SWT1: variants seen among roughly 807,000 people sequenced by gnomAD.
SWT1 encodes SWT1 RNA endoribonuclease homolog.
A neutral mutation model predicts 107.3 loss-of-function variants in SWT1; 33 were observed. The observed-to-expected ratio is 0.31, with a 90% CI of 0.23 to 0.41. SWT1 has a LOEUF of 0.41. Among genes scored for constraint, SWT1 ranks in the 10% least tolerant of loss-of-function variants. The pLI, the probability that SWT1 is intolerant of heterozygous loss-of-function variation, is 1.00. For missense variants in SWT1, 898 were observed against 1,028.9 expected (o/e 0.87, Z 1.74); for synonymous variants, 345 against 348.3 (o/e 0.99, Z 0.11).
At chr1:185,272,987 C>A (rs1304657683) in intron 17 of SWT1, among the ~76,000 whole-genome samples, 1 of 151,426 alleles carries the variant, frequency 6.6e-6, no homozygotes, top group Non-Finnish European at 1.5e-5. Flanking sequence ...GAGCCATGTT[C>A]ATACCACTGC....
At chr1:185,208,839 G>A (rs1658541923) in intron 13 of SWT1, among the ~76,000 whole-genome samples, 1 of 151,534 alleles carries the variant, frequency 6.6e-6, no homozygotes, top group South Asian at 2.1e-4. Context: ...AGCCACAAGT[G>A]CACCTGAAGA....
intron 7 of SWT1, among the ~76,000 whole-genome samples, chr1:185,183,516 C>G (rs1264244696): frequency 6.6e-6 from 1 of 152,178 alleles, no homozygotes; most frequent in Non-Finnish European, 1.5e-5. Flanking sequence ...CTCCTGACCT[C>G]AGGTGATTGG....
intron 12 of SWT1, among the ~76,000 whole-genome samples, chr1:185,206,202 C>T (rs995037807): frequency 4.6e-5 from 7 of 152,070 alleles, no homozygotes; most frequent in Non-Finnish European, 1.0e-4. Context: ...TGTGATACGC[C>T]CACGTCGGCC....
intron 16 of SWT1, among the ~76,000 whole-genome samples, 178 bp downstream of exon 16, chr1:185,231,886 T>C (rs1355242844): frequency 6.6e-6 from 1 of 152,158 alleles, no homozygotes; most frequent in Non-Finnish European, 1.5e-5. Flanking sequence ...CCTTTGCAGT[T>C]TTATCGTTAT....
intron 2 of SWT1, among the ~76,000 whole-genome samples, chr1:185,165,877 T>A (rs1654527058): frequency 6.6e-6 from 1 of 152,200 alleles, no homozygotes; most frequent in South Asian, 2.1e-4. Context: ...ATTCTAATGG[T>A]TTGTTTCTTC....
chr1:185,264,074 T>A (rs2102703684), intron 16 of SWT1: 1 of 152,322 alleles, frequency 6.6e-6, no homozygotes, highest in African/African-American at 2.4e-5. Flanking sequence ...CTCTCCTCAT[T>A]TAGTTGGTAG....
intron 1 of SWT1, among the ~76,000 whole-genome samples, chr1:185,158,415 C>T (rs138105199): frequency 5.2e-4 from 79 of 151,646 alleles, no homozygotes; most frequent in African/African-American, 1.8e-3. Flanking sequence ...TGACTCATGG[C>T]TCAACAGTCA....
Position 185,214,626 on chromosome 1 carries a change from G to A in SWT1, c.2092G>A (p.Val698Ile), listed in dbSNP as rs763922657. ...TATTCTTCCACAGACCTTTGCTCAA[G>A]TAAACAACCTCCTTCAGACATTTGC... ...DGILPQTFAQ[V>I]NNLLQTFAEV... Residue 698 changes from valine (V) to isoleucine (I), a missense_variant, in exon 14 of 19, where the codon GTA becomes ATA. Around this residue, in one of 6 missense-constraint regions of SWT1, gnomAD observed 382 missense variants for 460.0 expected, o/e 0.83. Transcript: ENST00000367500. 17 of 1,610,862 alleles carry A rather than the reference G, an allele frequency of 1.1e-5. No individual in the cohort carries two copies. The highest frequency in any genetic ancestry group is 1.6e-4 in the Middle Eastern group (1 of 6,064).
intron 15 of SWT1, 65 bp from the exon 16 acceptor site, chr1:185,231,512 G>A (rs1295393865): frequency 2.5e-6 from 3 of 1,187,904 alleles, no homozygotes; most frequent in Non-Finnish European, 3.7e-6. Context: ...ATTTGCAGCT[G>A]AAATACTTGA....
At chr1:185,229,819 T>C (rs890277240) in intron 15 of SWT1, among the ~76,000 whole-genome samples, 48 of 152,096 alleles carry the variant, frequency 3.2e-4, no homozygotes, top group Non-Finnish European at 8.8e-5. Flanking sequence ...TGAAATAAAA[T>C]AAATTTGGTT....
intron 2 of SWT1, among the ~76,000 whole-genome samples, chr1:185,163,206 GT>G (rs535064803): frequency 1.3e-5 from 2 of 152,182 alleles, no homozygotes; most frequent in Non-Finnish European, 2.9e-5. Context: ...ATGCAATTCA[GT>G]TTGATAACAT....
At position 185,290,800 on chromosome 1, in the gene SWT1, A is replaced by T. The variant is rs1484767649; in HGVS notation, c.2700A>T (p.Ile900=). The part of the protein sequence containing the change: ...GWCEDMLNYR[I] ...GTGAAGACATGCTCAACTATAGGAT[A>T]TAAGTACTGATTTGTAACTTTAAAG... is the stretch of plus-strand genomic sequence containing the variant. The change falls in exon 19 of 19, where the codon ATA becomes ATT. Residue 900 remains isoleucine (I), a synonymous_variant. Transcript: ENST00000367500. The T allele has an allele frequency of 3.1e-6, 5 of 1,602,100 alleles. No individual in the cohort carries two copies. The highest frequency in any genetic ancestry group is 2.7e-5 in the African/African-American group (2 of 74,486).
chr1:185,257,259 G>A (rs1050180954), intron 16 of SWT1, among the ~76,000 whole-genome samples: 1 of 152,090 alleles, frequency 6.6e-6, no homozygotes, highest in African/African-American at 2.4e-5. Context: ...GCCCCCAGAG[G>A]TGGAGCCTAC....
At chr1:185,227,528 T>C in intron 15 of SWT1, 1 of 535,564 alleles carries the variant, frequency 1.9e-6, no homozygotes, top group Non-Finnish European at 3.5e-6. Context: ...ATGATATCTC[T>C]GTTTGTTACA....
At chr1:185,255,849 T>G (rs1159696230) in intron 16 of SWT1, among the ~76,000 whole-genome samples, 1 of 151,852 alleles carries the variant, frequency 6.6e-6, no homozygotes, top group Non-Finnish European at 1.5e-5. Flanking sequence ...ATTTTGCTCA[T>G]TAGTTGATGC....
chr1:185,203,106 C>T (rs527344084), intron 11 of SWT1, among the ~76,000 whole-genome samples: 1 of 152,188 alleles, frequency 6.6e-6, no homozygotes, highest in South Asian at 2.1e-4. Flanking sequence ...GCAGAGTGTA[C>T]CTGTATTTTT....
chr1:185,160,052 A>T (rs2102286610), intron 1 of SWT1, among the ~76,000 whole-genome samples: 1 of 152,272 alleles, frequency 6.6e-6, no homozygotes, highest in Middle Eastern at 3.4e-3. Flanking sequence ...TTGTTTCAGT[A>T]CCTCAAAAAC....
rs374745720 is a variant in SWT1 at position 185,286,069 on chromosome 1, T to G, written c.2574-4605T>G. 1.1e-3 allele frequency among the ~76,000 whole-genome samples: 168 copies of G among 152,336 alleles called. 11 individuals are homozygous for G. The South Asian group carries it at 0.023, about 21-fold the overall frequency. ...ATCTGAATTTTAGGATCAGCTTTTC[T>G]GTTTCTACAAAAAAGGTTGTTGGGA... On this transcript the variant is annotated intron_variant, in intron 18 of 18. Transcript: ENST00000367500.
Position 185,227,346 on chromosome 1 carries a change from A to G in SWT1, c.2310-4231A>G. The G allele has an allele frequency of 5.1e-5, 37 of 728,894 alleles. 1 individual carries two copies. Among genetic ancestry groups the G allele is most frequent in the South Asian group, 4.9e-4 (36 of 74,014 alleles). The allele number at this position is 728,894 out of a possible 1,614,324, so 45.2% of individuals were successfully genotyped here. A position where few individuals can be genotyped will look rare whatever the true frequency, so the allele number is the denominator to read the frequency against. ...AGTCTCTTCCACTTGGCTTTCATAGATCTTGTCCATGCCAAACCTATTGAG... is the reference window on the plus strand; with the variant it reads ...AGTCTCTTCCACTTGGCTTTCATAGGTCTTGTCCATGCCAAACCTATTGAG... On this transcript the variant is annotated intron_variant, in intron 15 of 18. Coordinates refer to ENST00000367500, the MANE Select transcript of SWT1 (RefSeq NM_017673.7).
Sources: allele counts gnomAD v4.1 joint callset (sites outside exome capture counted in the v4.1 genomes callset), GRCh38; gene constraint gnomAD v4.1.1; regional missense constraint gnomAD v4.1.1; transcripts MANE v1.5; gene names NCBI Gene and HGNC (gene_info 2026-07-23, HGNC 2026-07-21).